The following CAMKK1 variants were observed in gnomAD, a reference collection of about 807,000 sequenced individuals.
CAMKK1 encodes calcium/calmodulin dependent protein kinase kinase 1.
A neutral mutation model predicts 63.5 loss-of-function variants in CAMKK1; 20 were observed. The ratio of observed to expected loss-of-function variants is 0.32; its 90% CI spans 0.22 to 0.46. The LOEUF (loss-of-function observed/expected upper bound fraction) is 0.46. Ranked by LOEUF, CAMKK1 falls within the 20% of genes least tolerant of loss-of-function variation. The pLI, the probability that CAMKK1 is intolerant of heterozygous loss-of-function variation, is 1.00. For synonymous variants in CAMKK1, 253 were observed against 269.0 expected (o/e 0.94, Z 0.58); for missense variants, 588 against 658.1 (o/e 0.89, Z 1.17).
At chr17:3,872,704 G>A (rs1022353702) in intron 11 of CAMKK1, 77 bp from the exon 12 acceptor site, 1 of 1,249,580 alleles carries the variant, frequency 8.0e-7, no homozygotes, top group Non-Finnish European at 1.2e-6. Context: ...CCCCTCCCTT[G>A]GTGGGGGCAG....
chr17:3,873,272 T>C, intron 11 of CAMKK1, 137 bp downstream of exon 11: 1 of 759,844 alleles, frequency 1.3e-6, no homozygotes, highest in East Asian at 2.4e-5. Context: ...AGAAAAAGCC[T>C]CTTCTCTCTC....
rs920155532 is a variant in CAMKK1 at position 3,862,496 on chromosome 17, C to T, written c.1446-213G>A. 5.3e-5 allele frequency among the ~76,000 whole-genome samples: 8 copies of T among 152,156 alleles called. No homozygotes were observed. Among genetic ancestry groups the T allele is most frequent in the Admixed American group, 2.0e-4 (3 of 15,270 alleles). On this transcript the variant is annotated intron_variant, in intron 15 of 15. Coordinates refer to ENST00000348335, the MANE Select transcript of CAMKK1 (RefSeq NM_032294.3). This position sits in a 1 kb window ranked among gnomAD's most constrained non-coding sequence, Gnocchi z 4.1. ...CCCCAGTCTCAGCCCGCAACGCCTC[C>T]GTGGCCCCCCATTGACCAGAGATGA...
rs896866434 is a variant in CAMKK1 at position 3,883,658 on chromosome 17, C to T, written c.463-178G>A. 6.6e-6 allele frequency among the ~76,000 whole-genome samples: 1 copy of T among 152,038 alleles called. No homozygotes were observed. Among genetic ancestry groups the T allele is most frequent in the African/African-American group, 2.4e-5 (1 of 41,362 alleles). On this transcript the variant is annotated intron_variant, in intron 4 of 15. Coordinates refer to ENST00000348335, the MANE Select transcript of CAMKK1 (RefSeq NM_032294.3). This position sits in a 1 kb window ranked among gnomAD's most constrained non-coding sequence, Gnocchi z 4.7. ...TGGCCATATCTGAGCCTAGCCCTTCCCCTTATTCCCCCAGCAAGCCTTTCT... is the reference window on the plus strand; with the variant it reads ...TGGCCATATCTGAGCCTAGCCCTTCTCCTTATTCCCCCAGCAAGCCTTTCT...
intron 12 of CAMKK1, among the ~76,000 whole-genome samples, chr17:3,870,736 C>G (rs1013039137): frequency 1.3e-5 from 2 of 152,184 alleles, no homozygotes; most frequent in Admixed American, 1.3e-4. Context: ...CAGAAAGCCA[C>G]TCTCAGGACT....
chr17:3,867,971 T>G (rs528420796), intron 14 of CAMKK1, among the ~76,000 whole-genome samples: 3 of 127,208 alleles, frequency 2.4e-5, no homozygotes, highest in Non-Finnish European at 3.4e-5. Flanking sequence ...ATACGCAGGA[T>G]CTGGGGGAGA....
rs547772104 is a variant in CAMKK1 at position 3,882,988 on chromosome 17, C to T, written c.648+54G>A. On this transcript the variant is annotated intron_variant, in intron 6 of 15. Transcript: ENST00000348335. The surrounding 1 kb of genome is among the most constrained non-coding windows in gnomAD (Gnocchi z 4.3). ...GCTAGGGGCTCCCCAGCACCAGAAG[C>T]GGCTCCCATGAGACTCAGGTGCTGG... The T allele has an allele frequency of 4.0e-5, 64 of 1,599,380 alleles. No individual in the cohort carries two copies. In the African/African-American group the frequency reaches 7.0e-4, roughly 17 times the overall value.
intron 8 of CAMKK1, 21 bp from the exon 9 acceptor site, chr17:3,880,455 A>G: frequency 2.5e-6 from 4 of 1,601,814 alleles, no homozygotes; most frequent in Non-Finnish European, 3.4e-6. Flanking sequence ...GGATGCGGGG[A>G]GGGGCATTCA....
chr17:3,888,423 C>G (rs1193472155), intron 1 of CAMKK1, among the ~76,000 whole-genome samples: 1 of 152,234 alleles, frequency 6.6e-6, no homozygotes, highest in Non-Finnish European at 1.5e-5. Flanking sequence ...GGCTCTGAAG[C>G]CAGGCAGCCA....
chr17:3,869,442 C>T, intron 14 of CAMKK1, 45 bp downstream of exon 14: 1 of 1,612,010 alleles, frequency 6.2e-7, no homozygotes, highest in Non-Finnish European at 8.5e-7. Flanking sequence ...GCTCAGGTCC[C>T]CCAGGCCCTC....
Position 3,890,758 on chromosome 17 carries a change from C to T in CAMKK1, c.-44+2181G>A. The T allele has an allele frequency of 1.3e-6, 1 of 779,838 alleles. No homozygotes were observed. Among genetic ancestry groups the T allele is most frequent in the South Asian group, 1.3e-5 (1 of 74,628 alleles). 48.3% of individuals were successfully genotyped at this position (779,838 alleles called of 1,614,324 possible). On this transcript the variant is annotated intron_variant, in intron 1 of 15. Coordinates refer to ENST00000348335, the MANE Select transcript of CAMKK1 (RefSeq NM_032294.3). This position sits in a 1 kb window ranked among gnomAD's most constrained non-coding sequence, Gnocchi z 6.5. ...TCTGTTCTGCTGCCAGGCCTCAGTACAAGCTGTGCCTTCTGCCAGGAACAC... is the reference window on the plus strand; with the variant it reads ...TCTGTTCTGCTGCCAGGCCTCAGTATAAGCTGTGCCTTCTGCCAGGAACAC...
rs968618254 is a variant in CAMKK1, at chr17:3,889,462, G to T, written c.-44+3477C>A. Among the ~76,000 whole-genome samples, 6 of 152,076 alleles carry T rather than the reference G, an allele frequency of 3.9e-5. No individual in the cohort carries two copies. The highest frequency in any genetic ancestry group is 5.9e-5 in the Non-Finnish European group (4 of 68,018). On this transcript the variant is annotated intron_variant, in intron 1 of 15. Transcript: ENST00000348335. The surrounding 1 kb of genome is among the most constrained non-coding windows in gnomAD (Gnocchi z 5.2). ...TGCAATCCTGTCCCCCCAGACTGGG[G>T]ATCTGCTGCCTCGGACAAGTCATCG...
At chr17:3,865,645 G>T in intron 15 of CAMKK1, 1 of 1,337,944 alleles carries the variant, frequency 7.5e-7, no homozygotes, top group Non-Finnish European at 9.6e-7. Context: ...TCCCATGGAG[G>T]GGCTGCGTGA....
At chr17:3,876,034 T>C (rs1339927357) in intron 10 of CAMKK1, among the ~76,000 whole-genome samples, 189 bp downstream of exon 10, 1 of 152,152 alleles carries the variant, frequency 6.6e-6, no homozygotes, top group East Asian at 1.9e-4. Flanking sequence ...CAAGGGAGAT[T>C]TGGGACCACT....
At position 3,882,122 on chromosome 17, in the gene CAMKK1, C is replaced by T; in HGVS notation, c.685+406G>A. ...CAAGGATAATAACGAATGTGCTTTA[C>T]ATATAATTACTCATTTACTCTTCAC... On this transcript the variant is annotated intron_variant, in intron 7 of 15. Coordinates refer to ENST00000348335, the MANE Select transcript of CAMKK1 (RefSeq NM_032294.3). This position sits in a 1 kb window ranked among gnomAD's most constrained non-coding sequence, Gnocchi z 4.3. 3.2e-6 allele frequency: 2 copies of T among 618,210 alleles called. No homozygotes were observed. Among genetic ancestry groups the T allele is most frequent in the South Asian group, 4.1e-5 (2 of 49,128 alleles). The allele number at this position is 618,210 out of a possible 1,614,324, so 38.3% of individuals were successfully genotyped here.
At position 3,883,420 on chromosome 17, in the gene CAMKK1, G is replaced by A; in HGVS notation, c.514+9C>T. The A allele has an allele frequency of 6.2e-7, 1 of 1,612,452 alleles. No homozygotes were observed. The highest frequency in any genetic ancestry group is 8.5e-7 in the Non-Finnish European group (1 of 1,178,508). ...GGAGCTCCCAGGGACAGGATCAGAAGATACATACGTGGAAAGCCATACTGC... is the reference window on the plus strand; with the variant it reads ...GGAGCTCCCAGGGACAGGATCAGAAAATACATACGTGGAAAGCCATACTGC... On this transcript the variant is annotated intron_variant, in intron 5 of 15. Transcript: ENST00000348335. This position sits in a 1 kb window ranked among gnomAD's most constrained non-coding sequence, Gnocchi z 4.7.
At position 3,879,131 on chromosome 17, in the gene CAMKK1, G is replaced by A. The variant is rs1366840912; in HGVS notation, c.796+1215C>T. 2.0e-5 allele frequency: 3 copies of A among 152,334 alleles called. No individual in the cohort carries two copies. Among genetic ancestry groups the A allele is most frequent in the African/African-American group, 7.2e-5 (3 of 41,424 alleles). 9.4% of individuals were successfully genotyped at this position (152,334 alleles called of 1,614,324 possible). On this transcript the variant is annotated intron_variant, in intron 9 of 15. Transcript: ENST00000348335. The surrounding 1 kb of genome is among the most constrained non-coding windows in gnomAD (Gnocchi z 4.5). ...GCCTGGCCCAAGCTAAGATTTTAGA[G>A]ATGGGCATCTCCCCTGGTCCCCAAC...
intron 1 of CAMKK1, among the ~76,000 whole-genome samples, 151 bp from the exon 2 acceptor site, chr17:3,885,881 T>C (rs573733897): frequency 2.0e-5 from 3 of 152,358 alleles, no homozygotes; most frequent in Admixed American, 2.0e-4. Flanking sequence ...AGTCTGTCCC[T>C]ATGACCTGAA....
At chr17:3,873,836 CT>C (rs2055018006) in intron 10 of CAMKK1, among the ~76,000 whole-genome samples, 1 of 152,138 alleles carries the variant, frequency 6.6e-6, no homozygotes, top group South Asian at 2.1e-4. Context: ...CCAGCTCGGG[CT>C]TCAAGGAGTC....
chr17:3,874,377 G>T (rs1440920841), intron 10 of CAMKK1, among the ~76,000 whole-genome samples: 4 of 152,046 alleles, frequency 2.6e-5, no homozygotes, highest in Admixed American at 2.6e-4. Flanking sequence ...GATTATGTAT[G>T]TCTTTTTTTT....
Sources: gnomAD v4.1 joint callset for allele counts (sites outside exome capture counted in the v4.1 genomes callset) on GRCh38, gnomAD v4.1.1 for gene constraint, Gnocchi (gnomAD v3.1) non-coding constraint, MANE v1.5 for transcripts, NCBI Gene and HGNC (gene_info 2026-07-23, HGNC 2026-07-21) for gene names.